Variants in STX8 observed in about 807,000 individuals in gnomAD.
STX8 encodes the protein syntaxin-8.
In STX8, 23 loss-of-function variants were observed where a neutral mutation model predicts 37.5. That is an observed-to-expected ratio of 0.61 (90% confidence interval 0.44 to 0.87). STX8 has a LOEUF of 0.87. STX8 is among the 40% of genes least tolerant of loss of function. The pLI is 0.00. For synonymous variants in STX8, 115 were observed against 99.1 expected (o/e 1.16, Z -0.95); for missense variants, 313 against 284.7 (o/e 1.10, Z -0.71).
At chr17:9,252,199 C>T (rs1906607733) in intron 7 of STX8, among the ~76,000 whole-genome samples, 1 of 151,524 alleles carries the variant, frequency 6.6e-6, no homozygotes, top group Admixed American at 6.6e-5. Context: ...AATCCCAGCA[C>T]TTTGGGAGGC....
intron 7 of STX8, among the ~76,000 whole-genome samples, chr17:9,289,612 T>TA (rs200727934): frequency 0.23 from 32,921 of 141,100 alleles, 3,770 homozygotes; most frequent in East Asian, 0.41. Context: ...CCATCTCTAC[T>TA]AAAAAAAAAA....
At chr17:9,342,891 C>T (rs551530132) in intron 7 of STX8, among the ~76,000 whole-genome samples, 1 of 151,990 alleles carries the variant, frequency 6.6e-6, no homozygotes, top group Non-Finnish European at 1.5e-5. Context: ...TGTGGTGGTA[C>T]GTGCCTGTAG....
chr17:9,529,284 C>T lies in STX8; in HGVS notation c.323+15888G>A, dbSNP rs536230711. ...GAGAGAGAGAGAGAGTGTGTGGGTGCGCACACGCATGTGTGTGTATCTGTA... is the reference window on the plus strand; with the variant it reads ...GAGAGAGAGAGAGAGTGTGTGGGTGTGCACACGCATGTGTGTGTATCTGTA... On this transcript the variant is annotated intron_variant, in intron 4 of 7. Coordinates refer to ENST00000306357, the MANE Select transcript of STX8 (RefSeq NM_004853.3). Among the ~76,000 whole-genome samples the T allele has an allele frequency of 4.6e-5, 7 of 152,080 alleles. No individual in the cohort carries two copies. In the South Asian group the frequency reaches 8.3e-4, roughly 18 times the overall value.
At chr17:9,434,074 G>C (rs1904338955) in intron 6 of STX8, among the ~76,000 whole-genome samples, 1 of 152,070 alleles carries the variant, frequency 6.6e-6, no homozygotes, top group South Asian at 2.1e-4. Context: ...CGCAATCTCG[G>C]CTCACTGCAA....
At chr17:9,424,059 C>T (rs958287595) in intron 6 of STX8, among the ~76,000 whole-genome samples, 4 of 152,132 alleles carry the variant, frequency 2.6e-5, no homozygotes, top group Admixed American at 6.5e-5. Context: ...GATGTGTTGA[C>T]CTCATAAAAC....
intron 6 of STX8, among the ~76,000 whole-genome samples, chr17:9,472,693 G>C (rs1905921468): frequency 6.6e-6 from 1 of 152,198 alleles, no homozygotes. Context: ...CCTCCCTCTT[G>C]GAGGTCAAAT....
At chr17:9,492,287 AAAT>A (rs1188865902) in intron 5 of STX8, among the ~76,000 whole-genome samples, 1 of 152,206 alleles carries the variant, frequency 6.6e-6, no homozygotes, top group African/African-American at 2.4e-5. Context: ...ATAAAAAAGA[AAAT>A]AAAGTTTTAA....
At chr17:9,351,176 CTTTTTTT>C (rs71135970) in intron 7 of STX8, among the ~76,000 whole-genome samples, 3 of 99,814 alleles carry the variant, frequency 3.0e-5, no homozygotes, top group Non-Finnish European at 5.8e-5. Flanking sequence ...ATTTCCTTGT[CTTTTTTT>C]TTTTTTTTTT....
chr17:9,523,108 C>T (rs796089759), intron 4 of STX8, among the ~76,000 whole-genome samples: 12 of 151,664 alleles, frequency 7.9e-5, no homozygotes, highest in African/African-American at 2.7e-4. Context: ...GTCAAGAGAT[C>T]GAGACCATCC....
chr17:9,380,135 TA>T (rs1260420320), intron 6 of STX8, among the ~76,000 whole-genome samples: 1 of 152,080 alleles, frequency 6.6e-6, no homozygotes, highest in Non-Finnish European at 1.5e-5. Flanking sequence ...TACAAACCTA[TA>T]GGGGTATATG....
chr17:9,451,184 A>G (rs1445289384), intron 6 of STX8, among the ~76,000 whole-genome samples: 1 of 152,048 alleles, frequency 6.6e-6, no homozygotes, highest in East Asian at 1.9e-4. Context: ...TCTAATCCAC[A>G]CCATAATCCC....
chr17:9,281,394 A>C (rs1436783369), intron 7 of STX8, among the ~76,000 whole-genome samples: 2 of 152,226 alleles, frequency 1.3e-5, no homozygotes, highest in Non-Finnish European at 2.9e-5. Flanking sequence ...TCATTGAGAT[A>C]GAAAACAGAA....
intron 7 of STX8, among the ~76,000 whole-genome samples, chr17:9,301,611 T>G (rs929830574): frequency 6.6e-6 from 1 of 151,456 alleles, no homozygotes; most frequent in Non-Finnish European, 1.5e-5. Context: ...GCCTCCCGAG[T>G]AGCTGGGACT....
chr17:9,506,421 A>ACCCCCCCCCCCCCTC (rs67803513), intron 4 of STX8, among the ~76,000 whole-genome samples: 4 of 32,262 alleles, frequency 1.2e-4, no homozygotes, highest in African/African-American at 4.1e-4. Flanking sequence ...CCCCCCCCCC[A>ACCCCCCCCCCCCCTC]CCCACCTTTC....
intron 7 of STX8, among the ~76,000 whole-genome samples, chr17:9,333,635 C>T (rs370689086): frequency 1.3e-4 from 20 of 152,300 alleles, no homozygotes; most frequent in Admixed American, 2.6e-4. Context: ...GTGATCCGCC[C>T]GCCTTGGCCT....
chr17:9,352,600 C>A (rs1307791344), intron 7 of STX8, among the ~76,000 whole-genome samples: 3 of 150,972 alleles, frequency 2.0e-5, no homozygotes, highest in Admixed American at 1.3e-4. Context: ...CCCGGGTTCA[C>A]GCCATTCTCC....
intron 6 of STX8, among the ~76,000 whole-genome samples, chr17:9,460,720 C>T (rs1209657965): frequency 6.9e-6 from 1 of 145,046 alleles, no homozygotes; most frequent in Non-Finnish European, 1.5e-5. Flanking sequence ...ACAACAACAA[C>T]ATATCTTTAT....
intron 2 of STX8, among the ~76,000 whole-genome samples, chr17:9,558,764 A>G (rs1907088910): frequency 1.3e-5 from 2 of 151,902 alleles, no homozygotes; most frequent in Admixed American, 1.3e-4. Flanking sequence ...CGGAGCTTGC[A>G]GTGAGCCGAG....
At chr17:9,313,249 A>G (rs936439993) in intron 7 of STX8, among the ~76,000 whole-genome samples, 9 of 152,276 alleles carry the variant, frequency 5.9e-5, no homozygotes, top group African/African-American at 1.7e-4. Flanking sequence ...AAAATCCTCA[A>G]GGAACATGGG....
Sources: allele counts gnomAD v4.1 joint callset (sites outside exome capture counted in the v4.1 genomes callset), GRCh38; gene constraint gnomAD v4.1.1; transcripts MANE v1.5; gene names NCBI Gene and HGNC (gene_info 2026-07-23, HGNC 2026-07-21).